The following KCNQ3 variants were observed in gnomAD, a reference collection of about 807,000 sequenced individuals.
KCNQ3 encodes the protein potassium voltage-gated channel subfamily KQT member 3.
A neutral mutation model predicts 92.5 loss-of-function variants in KCNQ3; 30 were observed. The ratio of observed to expected loss-of-function variants is 0.32; its 90% CI spans 0.24 to 0.44. The LOEUF is 0.44. Among genes scored for constraint, KCNQ3 ranks in the 20% least tolerant of loss-of-function variants. The pLI is 1.00. For synonymous variants in KCNQ3, 450 were observed against 468.8 expected (o/e 0.96, Z 0.52); for missense variants, 913 against 1,140.3 (o/e 0.80, Z 2.87).
intron 1 of KCNQ3, among the ~76,000 whole-genome samples, chr8:132,343,407 C>T (rs1818591521): frequency 6.6e-6 from 1 of 152,164 alleles, no homozygotes; most frequent in East Asian, 1.9e-4. Flanking sequence ...CAGGCCTAAT[C>T]TTTCTGTGTC....
At chr8:132,294,877 C>T (rs1816969294) in intron 1 of KCNQ3, among the ~76,000 whole-genome samples, 1 of 152,150 alleles carries the variant, frequency 6.6e-6, no homozygotes, top group African/African-American at 2.4e-5. Flanking sequence ...TCCCTTACAC[C>T]TTATACAAAA....
chr8:132,400,924 C>A (rs537880215), intron 1 of KCNQ3, among the ~76,000 whole-genome samples: 2 of 152,324 alleles, frequency 1.3e-5, no homozygotes, highest in Admixed American at 6.5e-5. Flanking sequence ...CCAGAGGGAG[C>A]CTGTCCAGGC....
intron 1 of KCNQ3, among the ~76,000 whole-genome samples, chr8:132,304,347 A>C (rs2130593917): frequency 6.6e-6 from 1 of 152,350 alleles, no homozygotes; most frequent in African/African-American, 2.4e-5. Flanking sequence ...GCCTTAAAAA[A>C]ATGAAGCTGC....
chr8:132,201,343 TA>T (rs1827454038), intron 1 of KCNQ3, among the ~76,000 whole-genome samples: 1 of 152,168 alleles, frequency 6.6e-6, no homozygotes, highest in African/African-American at 2.4e-5. Context: ...TCAAAGTCTT[TA>T]ACTCTTTCCA....
At chr8:132,291,236 T>C (rs1816826049) in intron 1 of KCNQ3, among the ~76,000 whole-genome samples, 2 of 152,166 alleles carry the variant, frequency 1.3e-5, no homozygotes, top group African/African-American at 4.8e-5. Flanking sequence ...GAACAATAAA[T>C]GTTAATTTCC....
At chr8:132,297,636 C>T (rs1423900153) in intron 1 of KCNQ3, among the ~76,000 whole-genome samples, 1 of 152,160 alleles carries the variant, frequency 6.6e-6, no homozygotes, top group Non-Finnish European at 1.5e-5. Context: ...AATGGTAGTG[C>T]AGTTTACATT....
At chr8:132,469,309 G>A (rs557436153) in intron 1 of KCNQ3, among the ~76,000 whole-genome samples, 56 of 152,280 alleles carry the variant, frequency 3.7e-4, no homozygotes, top group Non-Finnish European at 6.9e-4. Flanking sequence ...TAATTGTGGG[G>A]CCCACCTGAT....
At chr8:132,410,568 C>T (rs1820623716) in intron 1 of KCNQ3, among the ~76,000 whole-genome samples, 1 of 152,246 alleles carries the variant, frequency 6.6e-6, no homozygotes, top group South Asian at 2.1e-4. Context: ...CAGTGCCTGG[C>T]ACACAGTAAG....
chr8:132,148,735 CTT>C (rs568306400), intron 9 of KCNQ3, among the ~76,000 whole-genome samples: 1 of 152,220 alleles, frequency 6.6e-6, no homozygotes, highest in East Asian at 1.9e-4. Flanking sequence ...AATTCACTCT[CTT>C]TGTTTGAGCT....
intron 1 of KCNQ3, among the ~76,000 whole-genome samples, chr8:132,345,829 G>A (rs1398780667): frequency 6.6e-6 from 1 of 152,140 alleles, no homozygotes; most frequent in Admixed American, 6.5e-5. Flanking sequence ...TAATGAGGAT[G>A]ATGACTGATA....
intron 1 of KCNQ3, among the ~76,000 whole-genome samples, chr8:132,191,792 T>C (rs899446952): frequency 6.6e-6 from 1 of 151,802 alleles, no homozygotes; most frequent in Non-Finnish European, 1.5e-5. Flanking sequence ...AAGGGTCCCA[T>C]GAGAGAGCAT....
At chr8:132,177,651 T>A (rs1563789767) in intron 4 of KCNQ3, among the ~76,000 whole-genome samples, 1 of 152,218 alleles carries the variant, frequency 6.6e-6, no homozygotes, top group South Asian at 2.1e-4. Context: ...GAGGAGAACC[T>A]GACCTATCCT....
At chr8:132,178,430 G>A (rs1207602050) in intron 4 of KCNQ3, among the ~76,000 whole-genome samples, 4 of 152,120 alleles carry the variant, frequency 2.6e-5, no homozygotes, top group Non-Finnish European at 5.9e-5. Flanking sequence ...TATGTGTATG[G>A]TATGTGAGGA....
At chr8:132,277,630 T>G (rs1382910767) in intron 1 of KCNQ3, among the ~76,000 whole-genome samples, 1 of 152,192 alleles carries the variant, frequency 6.6e-6, no homozygotes, top group Non-Finnish European at 1.5e-5. Context: ...GATATTTTTT[T>G]GTCAACACAT....
rs1483080221 is a variant in KCNQ3 at position 132,122,441 on chromosome 8, AAG to A, written c.*6819_*6820del. The A allele has an allele frequency of 2.6e-5, 4 of 152,334 alleles. No individual in the cohort carries two copies. In the East Asian group the frequency reaches 7.7e-4, roughly 29 times the overall value. 9.4% of individuals were successfully genotyped at this position (152,334 alleles called of 1,614,324 possible). ...AAATTGCAGTCCATTCGACAAGTCT[AAG>A]AGGAATTACAAATACATTCCTGAGC... On this transcript the variant is annotated 3_prime_UTR_variant, in exon 15 of 15. Transcript: ENST00000388996.
At chr8:132,321,190 A>C (rs1025814836) in intron 1 of KCNQ3, among the ~76,000 whole-genome samples, 1 of 152,214 alleles carries the variant, frequency 6.6e-6, no homozygotes, top group Non-Finnish European at 1.5e-5. Flanking sequence ...ATTCAGTCAC[A>C]GAAACTCATG....
chr8:132,328,708 A>C (rs544771938), intron 1 of KCNQ3, among the ~76,000 whole-genome samples: 9 of 151,936 alleles, frequency 5.9e-5, no homozygotes, highest in African/African-American at 2.2e-4. Flanking sequence ...TTTTTACAAT[A>C]CTCCGTATCT....
At chr8:132,385,638 C>T (rs1166325119) in intron 1 of KCNQ3, among the ~76,000 whole-genome samples, 2 of 152,160 alleles carry the variant, frequency 1.3e-5, no homozygotes, top group Non-Finnish European at 2.9e-5. Flanking sequence ...CTTCCTTCCA[C>T]CATGGAATGA....
chr8:132,167,153 A>T (rs1826166262), intron 8 of KCNQ3, among the ~76,000 whole-genome samples: 1 of 152,058 alleles, frequency 6.6e-6, no homozygotes, highest in Admixed American at 6.5e-5. Context: ...CATTATGCAA[A>T]GTGAAAGAAA....
Sources: allele counts gnomAD v4.1 joint callset (sites outside exome capture counted in the v4.1 genomes callset), GRCh38; gene constraint gnomAD v4.1.1; transcripts MANE v1.5; gene names NCBI Gene and HGNC (gene_info 2026-07-23, HGNC 2026-07-21).